The following DSCAML1 variants were observed in gnomAD, a reference collection of about 807,000 sequenced individuals.
The protein encoded by DSCAML1 is DS cell adhesion molecule like 1, also known as cell adhesion molecule DSCAML1.
A neutral mutation model predicts 200.5 loss-of-function variants in DSCAML1; 38 were observed. The observed-to-expected ratio is 0.19, with a 90% CI of 0.15 to 0.25. DSCAML1 has a LOEUF of 0.25. Ranked by LOEUF, DSCAML1 falls within the 10% of genes least tolerant of loss-of-function variation. The pLI, the probability that DSCAML1 is intolerant of heterozygous loss-of-function variation, is 1.00. For missense variants in DSCAML1, 2,223 were observed against 2,858.8 expected (o/e 0.78, Z 5.07); for synonymous variants, 1,215 against 1,165.0 (o/e 1.04, Z -0.87).
At chr11:117,628,109 CATT>C (rs148563528) in intron 3 of DSCAML1, among the ~76,000 whole-genome samples, 33 of 152,342 alleles carry the variant, frequency 2.2e-4, no homozygotes, top group African/African-American at 6.7e-4. Flanking sequence ...ATCAGCATGT[CATT>C]ATTCCAACTT....
At chr11:117,657,266 G>C (rs914628330) in intron 3 of DSCAML1, among the ~76,000 whole-genome samples, 3 of 152,148 alleles carry the variant, frequency 2.0e-5, no homozygotes, top group African/African-American at 7.2e-5. Flanking sequence ...AACCCAATGG[G>C]CTCCTGAGAA....
In DSCAML1 at chr11:117,748,459, C is replaced by T. The variant is rs368389488; in HGVS notation, c.511+28332G>A. On this transcript the variant is annotated intron_variant, in intron 3 of 32. Transcript: ENST00000651296. ...TGGGAGAAGGCAGGAGTCATGTCTC[C>T]CCACATCTTCCCACCTTCAGCCACA... Among the ~76,000 whole-genome samples, 235 of 152,302 alleles carry T rather than the reference C, an allele frequency of 1.5e-3. 1 individual carries two copies. The highest frequency in any genetic ancestry group is 5.2e-3 in the African/African-American group (218 of 41,550).
chr11:117,761,370 G>C (rs767124403), intron 3 of DSCAML1, among the ~76,000 whole-genome samples: 3 of 152,222 alleles, frequency 2.0e-5, no homozygotes, highest in Non-Finnish European at 4.4e-5. Context: ...TGCCTTTTGT[G>C]TTCCTCCCTT....
At chr11:117,796,912 G>T (rs918472253) in intron 1 of DSCAML1, 122 bp downstream of exon 1, 1 of 629,974 alleles carries the variant, frequency 1.6e-6, no homozygotes, top group Non-Finnish European at 2.3e-6. Flanking sequence ...GCCCCACCCG[G>T]GGCCTTGCAC....
chr11:117,472,787 T>C (rs1227085978), intron 14 of DSCAML1, among the ~76,000 whole-genome samples: 1 of 152,210 alleles, frequency 6.6e-6, no homozygotes, highest in Non-Finnish European at 1.5e-5. Flanking sequence ...CATATCGTGA[T>C]GGTGAACACC....
chr11:117,799,267 G>A (rs1327431602), upstream of DSCAML1, among the ~76,000 whole-genome samples: 5 of 152,198 alleles, frequency 3.3e-5, no homozygotes, highest in Non-Finnish European at 5.9e-5. Context: ...ACCTGGTCAG[G>A]TCATGCCTAA....
At chr11:117,534,360 G>A (rs577884209) in intron 3 of DSCAML1, among the ~76,000 whole-genome samples, 5 of 152,340 alleles carry the variant, frequency 3.3e-5, no homozygotes, top group African/African-American at 4.8e-5. Flanking sequence ...ATCAGCCTTC[G>A]TTTGAATATC....
At chr11:117,646,898 A>G (rs961426472) in intron 3 of DSCAML1, among the ~76,000 whole-genome samples, 1 of 152,130 alleles carries the variant, frequency 6.6e-6, no homozygotes, top group Non-Finnish European at 1.5e-5. Context: ...GAGGAACCAA[A>G]GGAATTCATC....
rs970273687 is a variant in DSCAML1 at position 117,431,652 on chromosome 11, C to T, written c.5256G>A (p.Lys1752=). The change falls in exon 31 of 33, where the codon AAG becomes AAA. Residue 1752 remains lysine, a synonymous_variant. Coordinates refer to ENST00000651296, the MANE Select transcript of DSCAML1 (RefSeq NM_020693.4). ...TGCGGGCAGGTGTGGAGGCCTGGCACTTGGTCAGGGTCCACTGGCTTGAGT... is the reference window on the plus strand; with the variant it reads ...TGCGGGCAGGTGTGGAGGCCTGGCATTTGGTCAGGGTCCACTGGCTTGAGT... The part of the protein sequence containing the change: ...NRYSSQWTLT[K]CQASTPARTL... 1.7e-5 allele frequency: 27 copies of T among 1,613,128 alleles called. No homozygotes were observed. The highest frequency in any genetic ancestry group is 2.2e-5 in the Non-Finnish European group (26 of 1,179,480).
At chr11:117,730,710 C>T (rs189047585) in intron 3 of DSCAML1, among the ~76,000 whole-genome samples, 145 of 152,268 alleles carry the variant, frequency 9.5e-4, no homozygotes, top group African/African-American at 3.5e-3. Flanking sequence ...CAGGTATCTA[C>T]CAAGAGAAAT....
At position 117,471,909 on chromosome 11, in the gene DSCAML1, A is replaced by G; in HGVS notation, c.2913T>C (p.Ser971=). 6.2e-7 allele frequency: 1 copy of G among 1,613,664 alleles called. No homozygotes were observed. The highest frequency in any genetic ancestry group is 8.5e-7 in the Non-Finnish European group (1 of 1,179,860). ...TGATGGTGAGCTCCTTGCTTGGTTC[A>G]CTGCGGCCAATCTTGTTGAAAGAGT... ...RMYSFNKIGR[S]EPSKELTIST... Residue 971 remains serine, a synonymous_variant, in exon 15 of 33, where the codon AGT becomes AGC. Transcript: ENST00000651296.
In DSCAML1 at chr11:117,642,893, A is replaced by C. The variant is rs2137598477; in HGVS notation, c.512-110371T>G. On this transcript the variant is annotated intron_variant, in intron 3 of 32. Coordinates refer to ENST00000651296, the MANE Select transcript of DSCAML1 (RefSeq NM_020693.4). This position sits in a 1 kb window ranked among gnomAD's most constrained non-coding sequence, Gnocchi z 4.1. Reference sequence around the variant, plus strand: ...CTTGGGAGATATTGCTTACCCCAGGAAGCCCTCAGGGAGTAAAAGGAAGAG... The same window carrying C: ...CTTGGGAGATATTGCTTACCCCAGGCAGCCCTCAGGGAGTAAAAGGAAGAG... Among the ~76,000 whole-genome samples, 1 of 152,296 alleles carries C rather than the reference A, an allele frequency of 6.6e-6. No individual in the cohort carries two copies. The highest frequency in any genetic ancestry group is 6.5e-5 in the Admixed American group (1 of 15,306).
At chr11:117,492,646 G>A (rs968169143) in intron 11 of DSCAML1, among the ~76,000 whole-genome samples, 4 of 150,746 alleles carry the variant, frequency 2.7e-5, no homozygotes, top group Admixed American at 6.6e-5. Context: ...ACAAGTTCCC[G>A]ACAAGAGCTG....
intron 3 of DSCAML1, among the ~76,000 whole-genome samples, chr11:117,573,228 C>T (rs923024734): frequency 5.9e-5 from 9 of 152,194 alleles, no homozygotes; most frequent in African/African-American, 1.2e-4. Flanking sequence ...GTACGCTGGC[C>T]GTACGCTCTC....
intron 3 of DSCAML1, among the ~76,000 whole-genome samples, chr11:117,620,132 C>T (rs2051896588): frequency 6.6e-6 from 1 of 152,090 alleles, no homozygotes; most frequent in Admixed American, 6.5e-5. Context: ...ACTTTGAGGT[C>T]CCATATGTGA....
intron 3 of DSCAML1, among the ~76,000 whole-genome samples, chr11:117,631,058 A>G (rs1012947549): frequency 6.6e-6 from 1 of 152,192 alleles, no homozygotes; most frequent in Admixed American, 6.5e-5. Context: ...ATTTTATAGG[A>G]GGGAGAATGG....
At chr11:117,470,301 C>T (rs529370109) in intron 15 of DSCAML1, among the ~76,000 whole-genome samples, 32 of 152,254 alleles carry the variant, frequency 2.1e-4, no homozygotes, top group South Asian at 1.2e-3. Flanking sequence ...CTAGGCCGGG[C>T]GCGGTGGCTC....
chr11:117,638,304 A>G (rs556777338), intron 3 of DSCAML1, among the ~76,000 whole-genome samples: 43 of 146,580 alleles, frequency 2.9e-4, no homozygotes, highest in Non-Finnish European at 5.8e-4. Context: ...CTAGTTCCAC[A>G]CAAGATAGCA....
chr11:117,520,415 AT>A (rs1047787230), intron 6 of DSCAML1, among the ~76,000 whole-genome samples: 1 of 152,122 alleles, frequency 6.6e-6, no homozygotes, highest in Non-Finnish European at 1.5e-5. Context: ...AGGGAGAGGA[AT>A]TGCAAGTCTA....
Sources: allele counts gnomAD v4.1 joint callset (sites outside exome capture counted in the v4.1 genomes callset), GRCh38; gene constraint gnomAD v4.1.1; non-coding constraint Gnocchi (gnomAD v3.1); transcripts MANE v1.5; gene names NCBI Gene and HGNC (gene_info 2026-07-23, HGNC 2026-07-21).